TRIP4: variants seen among roughly 807,000 people sequenced by gnomAD.
TRIP4 encodes the protein activating signal cointegrator 1.
TRIP4 carries 54 observed loss-of-function variants against 81.8 expected under a neutral mutation model. The observed-to-expected ratio is 0.66, with a 90% CI of 0.53 to 0.83. The LOEUF (loss-of-function observed/expected upper bound fraction) is 0.83, where lower values mean the gene tolerates loss of function less well. Ranked by LOEUF, TRIP4 falls within the 40% of genes least tolerant of loss-of-function variation. The pLI, the probability that TRIP4 is intolerant of heterozygous loss-of-function variation, is 0.00. For missense variants in TRIP4, 662 were observed against 683.6 expected, an observed-to-expected ratio of 0.97 and a Z score of 0.35; for synonymous variants, 270 against 242.8, an observed-to-expected ratio of 1.11 and a Z score of -1.04.
rs76825962 is a variant in TRIP4 at position 64,447,367 on chromosome 15, G to C, written c.1678+2259G>C. The stretch of plus-strand genomic sequence containing the variant: ...AGCCATTTTATAAATCTATGCCCTA[G>C]AGAAGTACTTCTCAAACTATAATGT... On this transcript the variant is annotated intron_variant, in intron 12 of 12. Transcript: ENST00000261884. Among the ~76,000 whole-genome samples, 7 of 152,280 alleles carry C rather than the reference G, an allele frequency of 4.6e-5. No homozygotes were observed. In the East Asian group the frequency reaches 1.4e-3, roughly 29 times the overall value.
intron 5 of TRIP4, among the ~76,000 whole-genome samples, chr15:64,404,667 T>A (rs750222836): frequency 6.6e-6 from 1 of 152,136 alleles, no homozygotes; most frequent in Non-Finnish European, 1.5e-5. Context: ...CAATTAGATT[T>A]TAAGGTAATC....
chr15:64,393,981 G>A lies in TRIP4; in HGVS notation c.137G>A (p.Arg46Gln), dbSNP rs202164400. ...VLSIESAEEIREYVTDLLQGN... is the reference protein window; with the variant it reads ...VLSIESAEEIQEYVTDLLQGN... The stretch of plus-strand genomic sequence containing the variant: ...TCAATTGAGAGTGCTGAAGAGATAC[G>A]AGAATATGTTACTGATCTCCTCCAG... The change falls in exon 2 of 13, where the codon CGA becomes CAA. Residue 46 changes from arginine (R) to glutamine (Q), a missense_variant. Arg to Gln is a conservative substitution (Grantham distance 43). Coordinates refer to ENST00000261884, the MANE Select transcript of TRIP4 (RefSeq NM_016213.5). 6.8e-6 allele frequency: 11 copies of A among 1,606,750 alleles called. No individual in the cohort carries two copies. Among genetic ancestry groups the A allele is most frequent in the Middle Eastern group, 1.7e-4 (1 of 6,042 alleles).
intron 9 of TRIP4, among the ~76,000 whole-genome samples, chr15:64,420,279 G>T (rs528776148): frequency 6.6e-6 from 1 of 151,172 alleles, no homozygotes; most frequent in Non-Finnish European, 1.5e-5. Flanking sequence ...GTGCCACCAC[G>T]CCTGGCTATT....
intron 1 of TRIP4, among the ~76,000 whole-genome samples, chr15:64,391,382 C>G (rs1900125685): frequency 6.6e-6 from 1 of 151,846 alleles, no homozygotes; most frequent in African/African-American, 2.4e-5. Context: ...GTCTCGGTCT[C>G]CTGACCTCGT....
intron 11 of TRIP4, among the ~76,000 whole-genome samples, chr15:64,431,869 TGTG>T: frequency 3.1e-5 from 4 of 128,132 alleles, no homozygotes; most frequent in African/African-American, 9.3e-5. Context: ...CAAAGAGCAT[TGTG>T]TTTTCTTTTT....
At chr15:64,436,412 T>C (rs1006918338) in intron 11 of TRIP4, among the ~76,000 whole-genome samples, 3 of 151,850 alleles carry the variant, frequency 2.0e-5, no homozygotes, top group African/African-American at 4.8e-5. Flanking sequence ...GGCAGCATGG[T>C]GAAACCCTGT....
chr15:64,422,411 A>G (rs1892040292), intron 9 of TRIP4, among the ~76,000 whole-genome samples: 2 of 152,198 alleles, frequency 1.3e-5, no homozygotes, highest in Admixed American at 6.5e-5. Context: ...TAGTTTCACT[A>G]TTAGCTGCCA....
At position 64,424,133 on chromosome 15, in the gene TRIP4, A is replaced by T. The variant is rs1345255772; in HGVS notation, c.1461A>T (p.Thr487=). ...SPQEVSELQA[T]YRLLRGKDVE... ...AAGAAGTCTCAGAACTCCAGGCTAC[A>T]TATCGTCTTCTTCGTGGGAAAGGTA... The change falls in exon 10 of 13, where the codon ACA becomes ACT. Residue 487 remains threonine, a synonymous_variant. Transcript: ENST00000261884. 2 of 1,614,116 alleles carry T rather than the reference A, an allele frequency of 1.2e-6. No homozygotes were observed. The highest frequency in any genetic ancestry group is 2.2e-5 in the East Asian group (1 of 44,882).
Position 64,424,071 on chromosome 15 carries a change from C to T in TRIP4, c.1399C>T (p.Leu467Phe), listed in dbSNP as rs369347948. 32 of 1,614,030 alleles carry T rather than the reference C, an allele frequency of 2.0e-5. No homozygotes were observed. Among genetic ancestry groups the T allele is most frequent in the Non-Finnish European group, 2.6e-5 (31 of 1,180,034 alleles). The change falls in exon 10 of 13, where the codon CTT becomes TTT. Residue 467 changes from leucine to phenylalanine, a missense_variant. Coordinates refer to ENST00000261884, the MANE Select transcript of TRIP4 (RefSeq NM_016213.5). ...RSWYTPHRGR[L>F]WIAATAKKPS... ...CTGGTACACCCCCCACAGAGGACGA[C>T]TTTGGATAGCAGCCACAGCTAAAAA... is the stretch of plus-strand genomic sequence containing the variant.
rs112913281 is a variant in TRIP4, at chr15:64,400,732, C to G, written c.619-11C>G. The G allele has an allele frequency of 1.4e-3, 2,265 of 1,610,054 alleles. 20 individuals are homozygous for G. The African/African-American group carries it at 0.02, about 14-fold the overall frequency. On this transcript the variant is annotated splice_polypyrimidine_tract_variant and intron_variant, in intron 4 of 12. Transcript: ENST00000261884. ...TGTTGGATCACATGTCTTACTCTTA[C>G]TATTTTACAGGTGTGTACTCATGAG...
chr15:64,445,170 A>G (rs1566985899), intron 12 of TRIP4, 62 bp downstream of exon 12: 1 of 876,916 alleles, frequency 1.1e-6, no homozygotes, highest in Non-Finnish European at 1.8e-6. Context: ...TGGGGAAAAA[A>G]GTAGAACAAG....
At chr15:64,436,430 A>G (rs1468450548) in intron 11 of TRIP4, among the ~76,000 whole-genome samples, 1 of 151,874 alleles carries the variant, frequency 6.6e-6, no homozygotes, top group African/African-American at 2.4e-5. Flanking sequence ...TGTCTCTACT[A>G]AGAATATAAA....
intron 1 of TRIP4, among the ~76,000 whole-genome samples, chr15:64,392,821 C>T (rs998826289): frequency 4.6e-5 from 7 of 152,022 alleles, no homozygotes; most frequent in African/African-American, 1.7e-4. Context: ...CCCTATGTTG[C>T]CCAGGCTGGT....
chr15:64,393,842 T>C lies in TRIP4; in HGVS notation c.102-104T>C. 5 of 1,168,250 alleles carry C rather than the reference T, an allele frequency of 4.3e-6. No homozygotes were observed. In the East Asian group the frequency reaches 1.4e-4, roughly 32 times the overall value. The allele number at this position is 1,168,250 out of a possible 1,614,324, so 72.4% of individuals were successfully genotyped here. A position where few individuals can be genotyped will look rare whatever the true frequency, so the allele number is the denominator to read the frequency against. Reference sequence around the variant, plus strand: ...AGTACTTGGCTCAAAGTAAACACTCTAATAGATTAATGAATGGTTTTTACT... The same window carrying C: ...AGTACTTGGCTCAAAGTAAACACTCCAATAGATTAATGAATGGTTTTTACT... On this transcript the variant is annotated intron_variant, in intron 1 of 12. Coordinates refer to ENST00000261884, the MANE Select transcript of TRIP4 (RefSeq NM_016213.5).
chr15:64,400,574 A>C (rs1596338277), intron 4 of TRIP4, among the ~76,000 whole-genome samples, 169 bp from the exon 5 acceptor site: 1 of 151,738 alleles, frequency 6.6e-6, no homozygotes, highest in East Asian at 2.0e-4. Flanking sequence ...AGAGATCTGG[A>C]GAAAACTCAT....
rs113419109 is a variant in TRIP4 at position 64,411,710 on chromosome 15, C to T, written c.1043+1882C>T. ...GTTTTTTTTTTTTGAGACAAAGTCT[C>T]GCTCTGTTGCCCAGGCTGGAGTGCA... is the stretch of plus-strand genomic sequence containing the variant. On this transcript the variant is annotated intron_variant, in intron 7 of 12. Coordinates refer to ENST00000261884, the MANE Select transcript of TRIP4 (RefSeq NM_016213.5). Among the ~76,000 whole-genome samples, 250 of 148,240 alleles carry T rather than the reference C, an allele frequency of 1.7e-3. 1 individual carries two copies. The highest frequency in any genetic ancestry group is 5.1e-3 in the African/African-American group (207 of 40,524).
At chr15:64,415,327 TTAAC>T (rs1483141672) in intron 8 of TRIP4, among the ~76,000 whole-genome samples, 1 of 152,114 alleles carries the variant, frequency 6.6e-6, no homozygotes, top group Non-Finnish European at 1.5e-5. Flanking sequence ...TCACAAGTAA[TTAAC>T]TATTGTTATG....
intron 3 of TRIP4, among the ~76,000 whole-genome samples, chr15:64,397,356 C>T (rs1488457850): frequency 6.6e-6 from 1 of 152,210 alleles, no homozygotes; most frequent in African/African-American, 2.4e-5. Context: ...ATTTACCCTC[C>T]ACTAGCTATA....
chr15:64,388,047 A>G, intron 1 of TRIP4, 83 bp downstream of exon 1: 2 of 1,451,352 alleles, frequency 1.4e-6, no homozygotes, highest in South Asian at 1.4e-5. Context: ...GAGGACTGAA[A>G]AGTTAAGAGA....
Sources: allele counts gnomAD v4.1 joint callset (sites outside exome capture counted in the v4.1 genomes callset), GRCh38; gene constraint gnomAD v4.1.1; transcripts MANE v1.5; gene names NCBI Gene and HGNC (gene_info 2026-07-23, HGNC 2026-07-21).